NRXN1: variants seen among roughly 807,000 people sequenced by gnomAD.
NRXN1 encodes the protein neurexin-1.
In NRXN1, 39 loss-of-function variants were observed where a neutral mutation model predicts 150.9. That is an observed-to-expected ratio of 0.26 (90% CI 0.20 to 0.34). The LOEUF is 0.34. NRXN1 is among the 10% of genes least tolerant of loss of function. The probability of loss-of-function intolerance (pLI) is 1.00; values close to 1 mark genes in which losing one functional copy is unlikely to be tolerated. For missense variants in NRXN1, 1,815 were observed against 1,949.9 expected (o/e 0.93, Z 1.30); for synonymous variants, 924 against 757.0 (o/e 1.22, Z -3.62).
chr2:50,925,142 CT>C (rs1230765538), intron 3 of NRXN1, among the ~76,000 whole-genome samples: 1 of 151,740 alleles, frequency 6.6e-6, no homozygotes, highest in East Asian at 1.9e-4. Context: ...TTTCACCATT[CT>C]TTTGTTATGC....
In NRXN1 at chr2:50,617,491, C is replaced by T. The variant is rs115159110; in HGVS notation, c.1320+2531G>A. Among the ~76,000 whole-genome samples the T allele has an allele frequency of 1.9e-3, 287 of 151,216 alleles. 1 individual carries two copies. Among genetic ancestry groups the T allele is most frequent in the Middle Eastern group, 6.9e-3 (2 of 290 alleles). ...TGTTTTGATTTATAGATTAATTGTG[C>T]TGATATCCTTCCAAACTCCAGTGCA... On this transcript the variant is annotated intron_variant, in intron 8 of 22. Coordinates refer to ENST00000401669, the MANE Select transcript of NRXN1 (RefSeq NM_001330078.2).
At chr2:50,382,279 T>G (rs906302041) in intron 17 of NRXN1, among the ~76,000 whole-genome samples, 1 of 152,164 alleles carries the variant, frequency 6.6e-6, no homozygotes, top group Admixed American at 6.6e-5. Flanking sequence ...ATTGTATTGA[T>G]TTATCTTTAA....
intron 5 of NRXN1, among the ~76,000 whole-genome samples, chr2:50,749,667 A>G (rs1313031270): frequency 6.6e-6 from 1 of 152,134 alleles, no homozygotes; most frequent in Non-Finnish European, 1.5e-5. Flanking sequence ...TTTCAGATAA[A>G]TAACTGTTAG....
intron 5 of NRXN1, chr2:50,918,354 GAA>G: frequency 7.4e-6 from 2 of 271,550 alleles, no homozygotes; most frequent in East Asian, 1.1e-4. Context: ...AAATGTTCTG[GAA>G]ATACAATGGT....
intron 1 of NRXN1, among the ~76,000 whole-genome samples, chr2:51,029,458 G>C (rs1472662437): frequency 6.6e-6 from 1 of 152,108 alleles, no homozygotes; most frequent in Admixed American, 6.5e-5. Flanking sequence ...AGAGAAATTT[G>C]ATTATGGTTA....
chr2:50,428,338 C>A (rs990559008), intron 17 of NRXN1, among the ~76,000 whole-genome samples: 2 of 152,022 alleles, frequency 1.3e-5, no homozygotes, highest in African/African-American at 4.8e-5. Context: ...TCACCTAAGC[C>A]CAGAAGGTCG....
chr2:50,811,851 T>C (rs1668256823), intron 5 of NRXN1, among the ~76,000 whole-genome samples: 1 of 152,270 alleles, frequency 6.6e-6, no homozygotes. Context: ...TAGGTCACAA[T>C]TCCAAAAAGA....
At chr2:50,807,140 T>C (rs1421873641) in intron 5 of NRXN1, among the ~76,000 whole-genome samples, 1 of 152,144 alleles carries the variant, frequency 6.6e-6, no homozygotes, top group African/African-American at 2.4e-5. Flanking sequence ...AATCATATTA[T>C]TCTATTACTT....
intron 5 of NRXN1, among the ~76,000 whole-genome samples, chr2:50,683,646 A>AAAAATATATATATATATATATATATATAT: frequency 6.7e-5 from 1 of 14,906 alleles, no homozygotes; most frequent in Non-Finnish European, 1.1e-4. Flanking sequence ...AAAAAAAAAA[A>AAAAATATATATATATATATATATATATAT]ATATATATAT....
Position 49,998,667 on chromosome 2 carries a change from C to A in NRXN1, c.4128+54604G>T, listed in dbSNP as rs532999673. On this transcript the variant is annotated intron_variant, in intron 21 of 22. Coordinates refer to ENST00000401669, the MANE Select transcript of NRXN1 (RefSeq NM_001330078.2). Reference sequence around the variant, plus strand: ...TCAAAGGATGATGGACATAATTTAACCTTTTTAAAAAAAATAATGTCATGG... The same window carrying A: ...TCAAAGGATGATGGACATAATTTAAACTTTTTAAAAAAAATAATGTCATGG... Among the ~76,000 whole-genome samples the A allele has an allele frequency of 9.2e-5, 14 of 151,962 alleles. No homozygotes were observed. The South Asian group carries it at 2.7e-3, about 29-fold the overall frequency.
chr2:51,017,357 A>T (rs1214118668), intron 2 of NRXN1, among the ~76,000 whole-genome samples: 3 of 149,998 alleles, frequency 2.0e-5, no homozygotes, highest in Non-Finnish European at 4.4e-5. Context: ...CTTTTAAGAG[A>T]TAGGGTCTTG....
intron 5 of NRXN1, among the ~76,000 whole-genome samples, chr2:50,711,510 A>AT (rs974864330): frequency 1.8e-4 from 27 of 151,732 alleles, no homozygotes; most frequent in African/African-American, 6.3e-4. Context: ...TAATTTATGT[A>AT]TTTTTAGTAG....
chr2:50,453,111 T>G (rs1021867553), intron 17 of NRXN1, among the ~76,000 whole-genome samples: 1 of 152,180 alleles, frequency 6.6e-6, no homozygotes, highest in African/African-American at 2.4e-5. Context: ...TGGGAACAAC[T>G]TTCATTCTAT....
At chr2:50,246,277 T>A (rs1214484013) in intron 17 of NRXN1, among the ~76,000 whole-genome samples, 2 of 151,958 alleles carry the variant, frequency 1.3e-5, no homozygotes, top group Non-Finnish European at 2.9e-5. Context: ...ACAGTCACTT[T>A]TACTCTATAC....
At chr2:50,271,821 A>C (rs2069701745) in intron 17 of NRXN1, among the ~76,000 whole-genome samples, 1 of 152,190 alleles carries the variant, frequency 6.6e-6, no homozygotes, top group Admixed American at 6.5e-5. Context: ...TTCATAAACA[A>C]AATTTTTTAA....
intron 18 of NRXN1, among the ~76,000 whole-genome samples, chr2:50,143,953 G>A (rs1008118920): frequency 3.3e-5 from 5 of 151,794 alleles, no homozygotes; most frequent in Non-Finnish European, 2.9e-5. Flanking sequence ...CCAAAACTAT[G>A]GCTATATTTT....
At chr2:50,657,416 A>T (rs1020815810) in intron 5 of NRXN1, among the ~76,000 whole-genome samples, 1 of 152,048 alleles carries the variant, frequency 6.6e-6, no homozygotes, top group Non-Finnish European at 1.5e-5. Context: ...AGTATACCAT[A>T]GTTAATCACT....
At chr2:50,259,940 G>A (rs1287455253) in intron 17 of NRXN1, among the ~76,000 whole-genome samples, 4 of 151,698 alleles carry the variant, frequency 2.6e-5, no homozygotes, top group Admixed American at 1.3e-4. Flanking sequence ...AGTGTAACGC[G>A]GGCTTAGGTT....
chr2:50,002,604 C>T (rs564293040), intron 21 of NRXN1, among the ~76,000 whole-genome samples: 19 of 152,148 alleles, frequency 1.2e-4, no homozygotes, highest in African/African-American at 3.6e-4. Flanking sequence ...TGTCTTTTAA[C>T]GTCAAAGTTT....
Sources: gnomAD v4.1 joint callset for allele counts (sites outside exome capture counted in the v4.1 genomes callset) on GRCh38, gnomAD v4.1.1 for gene constraint, MANE v1.5 for transcripts, NCBI Gene and HGNC (gene_info 2026-07-23, HGNC 2026-07-21) for gene names.